The following IGFBP1 variants were observed in gnomAD, a reference collection of about 807,000 sequenced individuals.
IGFBP1 encodes the protein insulin-like growth factor-binding protein 1.
In IGFBP1, 31 loss-of-function variants were observed where a neutral mutation model predicts 23.1. That is an observed-to-expected ratio of 1.34 (90% confidence interval 1.01 to 1.81). The LOEUF is 1.81. Ranked by LOEUF, IGFBP1 falls within the 40% of genes most tolerant of loss-of-function variation. IGFBP1 has a pLI of 0.00. For synonymous variants in IGFBP1, 148 were observed against 145.5 expected (o/e 1.02, Z -0.13); for missense variants, 333 against 342.2 (o/e 0.97, Z 0.21).
chr7:45,890,383 C>T (rs910167455), intron 1 of IGFBP1, among the ~76,000 whole-genome samples, 165 bp from the exon 2 acceptor site: 4 of 152,166 alleles, frequency 2.6e-5, no homozygotes, highest in South Asian at 2.1e-4. Context: ...TTCCTGGAAA[C>T]CATTACAAGG....
Position 45,890,699 on chromosome 7 carries a change from C to A in IGFBP1, c.501C>A (p.Thr167=). The stretch of plus-strand genomic sequence containing the variant: ...ATGGCTCGAAGGCTCTCCATGTCAC[C>A]AACATCAAAAAATGGAAGGTGAGGC... ...TYDGSKALHV[T]NIKKWKEPCR... Residue 167 remains threonine (T), a synonymous_variant, in exon 2 of 4, where the codon ACC becomes ACA. Coordinates refer to ENST00000275525, the MANE Select transcript of IGFBP1 (RefSeq NM_000596.4). 2.5e-6 allele frequency: 4 copies of A among 1,602,394 alleles called. No individual in the cohort carries two copies. Among genetic ancestry groups the A allele is most frequent in the Admixed American group, 1.7e-5 (1 of 58,086 alleles).
Position 45,891,994 on chromosome 7 carries a change from A to G in IGFBP1, c.582A>G (p.Ser194=), listed in dbSNP as rs376136318. 1 of 1,613,948 alleles carries G rather than the reference A, an allele frequency of 6.2e-7. No individual in the cohort carries two copies. Among genetic ancestry groups the G allele is most frequent in the African/African-American group, 1.3e-5 (1 of 74,948 alleles). Residue 194 remains serine, a synonymous_variant, in exon 3 of 4, where the codon TCA becomes TCG. Transcript: ENST00000275525. ...GTTTAGCCAAGGCACAGGAGACATCAGGAGAAGAAATTTCCAAATTTTACC... is the reference window on the plus strand; with the variant it reads ...GTTTAGCCAAGGCACAGGAGACATCGGGAGAAGAAATTTCCAAATTTTACC... ...VESLAKAQET[S]GEEISKFYLP...
chr7:45,892,651 C>T (rs963020692), intron 3 of IGFBP1, among the ~76,000 whole-genome samples: 3 of 152,182 alleles, frequency 2.0e-5, no homozygotes, highest in Admixed American at 6.5e-5. Context: ...GGGGCACACA[C>T]GAGACATGTT....
intron 3 of IGFBP1, 42 bp downstream of exon 3, chr7:45,892,102 C>T (rs1345799514): frequency 1.2e-6 from 2 of 1,602,118 alleles, no homozygotes; most frequent in East Asian, 2.2e-5. Context: ...GTGAAAGGGA[C>T]TACTGCCCTA....
At chr7:45,892,883 A>G in intron 3 of IGFBP1, 77 bp from the exon 4 acceptor site, 1 of 1,488,780 alleles carries the variant, frequency 6.7e-7, no homozygotes, top group Non-Finnish European at 9.2e-7. Context: ...GCTGCACTGA[A>G]AAAAGGGCCA....
chr7:45,892,552 A>G (rs1787095552), intron 3 of IGFBP1, among the ~76,000 whole-genome samples: 1 of 152,330 alleles, frequency 6.6e-6, no homozygotes, highest in South Asian at 2.1e-4. Context: ...CATATTGAGG[A>G]GTGCTTTAGG....
intron 1 of IGFBP1, among the ~76,000 whole-genome samples, chr7:45,890,114 G>T (rs748493446): frequency 6.6e-6 from 1 of 152,154 alleles, no homozygotes; most frequent in Non-Finnish European, 1.5e-5. Flanking sequence ...ACTTCTAGAT[G>T]AACTGTACCA....
In IGFBP1 at chr7:45,888,980, G is replaced by A; in HGVS notation, c.328G>A (p.Ala110Thr). 1 of 1,518,696 alleles carries A rather than the reference G, an allele frequency of 6.6e-7. No individual in the cohort carries two copies. Among genetic ancestry groups the A allele is most frequent in the Non-Finnish European group, 8.8e-7 (1 of 1,140,070 alleles). 94.1% of individuals were successfully genotyped at this position (1,518,696 alleles called of 1,614,324 possible). A position where few individuals can be genotyped will look rare whatever the true frequency, so the allele number is the denominator to read the frequency against. Residue 110 changes from alanine to threonine, a missense_variant, in exon 1 of 4, where the codon GCC becomes ACC. Coordinates refer to ENST00000275525, the MANE Select transcript of IGFBP1 (RefSeq NM_000596.4). The stretch of plus-strand genomic sequence containing the variant: ...AGGCGCCTGCGTGCAGGAGTCTGAC[G>A]CCTCCGCTCCCCATGCTGCAGGTAC... ...GQGACVQESD[A>T]SAPHAAEAGS...
chr7:45,889,150 G>A, intron 1 of IGFBP1, 149 bp downstream of exon 1: 1 of 630,268 alleles, frequency 1.6e-6, no homozygotes, highest in Non-Finnish European at 2.6e-6. Context: ...ACGTAGTTGG[G>A]GAAGGAGCTT....
In IGFBP1 at chr7:45,892,000, A is replaced by T. The variant is rs752931809; in HGVS notation, c.588A>T (p.Glu196Asp). 1.9e-5 allele frequency: 31 copies of T among 1,614,144 alleles called. No individual in the cohort carries two copies. The African/African-American group carries it at 2.1e-4, about 11-fold the overall frequency. The change falls in exon 3 of 4, where the codon GAA becomes GAT. Residue 196 changes from glutamate to aspartate, a missense_variant. Coordinates refer to ENST00000275525, the MANE Select transcript of IGFBP1 (RefSeq NM_000596.4). ...CCAAGGCACAGGAGACATCAGGAGA[A>T]GAAATTTCCAAATTTTACCTGCCAA... ...SLAKAQETSG[E>D]EISKFYLPNC...
Position 45,888,906 on chromosome 7 carries a change from G to A in IGFBP1, c.254G>A (p.Arg85His). The change falls in exon 1 of 4, where the codon CGC becomes CAC. Residue 85 changes from arginine to histidine, a missense_variant. Transcript: ENST00000275525. The part of the protein sequence containing the change: ...TARCARGLSC[R>H]ALPGEQQPLH... ...CGCTGCGCCCGGGGACTCAGTTGCC[G>A]CGCGCTGCCGGGGGAGCAGCAACCT... The A allele has an allele frequency of 1.3e-6, 2 of 1,499,894 alleles. No homozygotes were observed. The highest frequency in any genetic ancestry group is 1.8e-6 in the Non-Finnish European group (2 of 1,135,422). 92.9% of individuals were successfully genotyped at this position (1,499,894 alleles called of 1,614,324 possible).
intron 2 of IGFBP1, 78 bp downstream of exon 2, chr7:45,890,795 G>A (rs1787068273): frequency 1.6e-6 from 2 of 1,267,124 alleles, no homozygotes; most frequent in Admixed American, 2.3e-5. Flanking sequence ...AGCAGACCTG[G>A]CCCACTCCTT....
chr7:45,891,327 AAAAT>A (rs1787076605), intron 2 of IGFBP1, among the ~76,000 whole-genome samples: 1 of 152,230 alleles, frequency 6.6e-6, no homozygotes, highest in Non-Finnish European at 1.5e-5. Context: ...TTGATTTGAG[AAAAT>A]AAATTACTTC....
At position 45,890,685 on chromosome 7, in the gene IGFBP1, G is replaced by T; in HGVS notation, c.487G>T (p.Ala163Ser). Residue 163 changes from alanine to serine, a missense_variant, in exon 2 of 4, where the codon GCT (alanine) becomes TCT (serine). By Grantham distance (99) the Ala-to-Ser change is moderately conservative. Transcript: ENST00000275525. ...DAISTYDGSK[A>S]LHVTNIKKWK... ...CATCAGTACCTATGATGGCTCGAAG[G>T]CTCTCCATGTCACCAACATCAAAAA... 1 of 1,608,992 alleles carries T rather than the reference G, an allele frequency of 6.2e-7. No individual in the cohort carries two copies.
In IGFBP1 at chr7:45,888,909, C is replaced by G; in HGVS notation, c.257C>G (p.Ala86Gly). 6.7e-7 allele frequency: 1 copy of G among 1,500,034 alleles called. No individual in the cohort carries two copies. Among genetic ancestry groups the G allele is most frequent in the Non-Finnish European group, 8.8e-7 (1 of 1,135,530 alleles). The allele number at this position is 1,500,034 out of a possible 1,614,324, so 92.9% of individuals were successfully genotyped here. A position where few individuals can be genotyped will look rare whatever the true frequency, so the allele number is the denominator to read the frequency against. ...ARCARGLSCR[A>G]LPGEQQPLHA... The stretch of plus-strand genomic sequence containing the variant: ...TGCGCCCGGGGACTCAGTTGCCGCG[C>G]GCTGCCGGGGGAGCAGCAACCTCTG... Residue 86 changes from alanine (A) to glycine (G), a missense_variant, in exon 1 of 4, where the codon GCG becomes GGG. Physicochemically the swap from Ala to Gly is moderately conservative, Grantham distance 60. Coordinates refer to ENST00000275525, the MANE Select transcript of IGFBP1 (RefSeq NM_000596.4).
In IGFBP1 at chr7:45,888,741, G is replaced by A. The variant is rs1437433476; in HGVS notation, c.89G>A (p.Cys30Tyr). 1 of 1,592,038 alleles carries A rather than the reference G, an allele frequency of 6.3e-7. No individual in the cohort carries two copies. The highest frequency in any genetic ancestry group is 2.3e-5 in the East Asian group (1 of 44,410). The change falls in exon 1 of 4, where the codon TGC becomes TAC. Residue 30 changes from cysteine to tyrosine, a missense_variant. Physicochemically the swap from Cys to Tyr is radical, Grantham distance 194 (BLOSUM62 -2). Coordinates refer to ENST00000275525, the MANE Select transcript of IGFBP1 (RefSeq NM_000596.4). ...VGVTAGAPWQCAPCSAEKLAL... is the reference protein window; with the variant it reads ...VGVTAGAPWQYAPCSAEKLAL... Reference sequence around the variant, plus strand: ...GTGACAGCCGGCGCTCCGTGGCAGTGCGCGCCCTGCTCCGCCGAGAAGCTC... The same window carrying A: ...GTGACAGCCGGCGCTCCGTGGCAGTACGCGCCCTGCTCCGCCGAGAAGCTC...
intron 1 of IGFBP1, among the ~76,000 whole-genome samples, chr7:45,889,868 G>T (rs1451282336): frequency 1.3e-5 from 2 of 152,138 alleles, no homozygotes; most frequent in African/African-American, 4.8e-5. Context: ...CTGCCCTTCA[G>T]AGGAAATGAA....
chr7:45,888,626 G>T lies in IGFBP1; in HGVS notation c.-27G>T. On this transcript the variant is annotated 5_prime_UTR_variant, in exon 1 of 4. Coordinates refer to ENST00000275525, the MANE Select transcript of IGFBP1 (RefSeq NM_000596.4). ...GCCGCCACCAGCCCAGAGAGCATCGGCCCCTGTCTGCTGCTCGCGCCTGGA... is the reference window on the plus strand; with the variant it reads ...GCCGCCACCAGCCCAGAGAGCATCGTCCCCTGTCTGCTGCTCGCGCCTGGA... 15 of 1,573,376 alleles carry T rather than the reference G, an allele frequency of 9.5e-6. No homozygotes were observed. Among genetic ancestry groups the T allele is most frequent in the Non-Finnish European group, 1.2e-5 (14 of 1,163,996 alleles).
chr7:45,888,892 G>T lies in IGFBP1; in HGVS notation c.240G>T (p.Arg80=). The T allele has an allele frequency of 6.7e-7, 1 of 1,502,702 alleles. No homozygotes were observed. Among genetic ancestry groups the T allele is most frequent in the East Asian group, 2.7e-5 (1 of 37,344 alleles). The allele number at this position is 1,502,702 out of a possible 1,614,324, so 93.1% of individuals were successfully genotyped here. A position where few individuals can be genotyped will look rare whatever the true frequency, so the allele number is the denominator to read the frequency against. ...GCGTGGCGACTGCACGCTGCGCCCG[G>T]GGACTCAGTTGCCGCGCGCTGCCGG... The part of the protein sequence containing the change: ...ACGVATARCA[R]GLSCRALPGE... The change falls in exon 1 of 4, where the codon CGG becomes CGT. Residue 80 remains arginine (R), a synonymous_variant. Coordinates refer to ENST00000275525, the MANE Select transcript of IGFBP1 (RefSeq NM_000596.4).
Sources: allele counts gnomAD v4.1 joint callset (sites outside exome capture counted in the v4.1 genomes callset), GRCh38; gene constraint gnomAD v4.1.1; transcripts MANE v1.5; gene names NCBI Gene and HGNC (gene_info 2026-07-23, HGNC 2026-07-21).